Variants in ST3GAL3 observed in about 807,000 individuals in gnomAD.
ST3GAL3 encodes the protein ST3 beta-galactoside alpha-2,3-sialyltransferase 3.
ST3GAL3 carries 21 observed loss-of-function variants against 50.1 expected under a neutral mutation model. That is an observed-to-expected ratio of 0.42 (90% CI 0.30 to 0.60). The LOEUF (loss-of-function observed/expected upper bound fraction) is 0.60, where lower values mean the gene tolerates loss of function less well. ST3GAL3 is among the 20% of genes least tolerant of loss of function. The pLI is 0.19. For missense variants in ST3GAL3, 353 were observed against 489.4 expected (o/e 0.72, Z 2.63); for synonymous variants, 183 against 190.0 (o/e 0.96, Z 0.30).
chr1:43,723,249 C>T (rs968446228), intron 1 of ST3GAL3, among the ~76,000 whole-genome samples: 11 of 152,032 alleles, frequency 7.2e-5, no homozygotes, highest in Non-Finnish European at 1.6e-4. Flanking sequence ...GCTGGGATTA[C>T]AGGCACGCAC....
chr1:43,815,669 T>C (rs1247499415), intron 4 of ST3GAL3, among the ~76,000 whole-genome samples: 1 of 152,216 alleles, frequency 6.6e-6, no homozygotes, highest in African/African-American at 2.4e-5. Context: ...TTAACCACTC[T>C]GAGCCTCAGT....
chr1:43,851,443 G>A (rs985508045), intron 5 of ST3GAL3: 5 of 1,610,666 alleles, frequency 3.1e-6, no homozygotes, highest in African/African-American at 2.7e-5. Context: ...TGCAGGGCTC[G>A]CTTCTGACAG....
At chr1:43,734,317 T>G (rs2154089819) in intron 1 of ST3GAL3, among the ~76,000 whole-genome samples, 1 of 143,824 alleles carries the variant, frequency 7.0e-6, no homozygotes, top group East Asian at 2.1e-4. Context: ...TGTTTTTTTT[T>G]TTTTTGAGAC....
intron 4 of ST3GAL3, among the ~76,000 whole-genome samples, chr1:43,834,054 G>A (rs375437395): frequency 2.6e-5 from 4 of 152,192 alleles, no homozygotes; most frequent in South Asian, 2.1e-4. Flanking sequence ...TCAGCTTCTC[G>A]GGAGGCTGAG....
At chr1:43,719,555 C>T (rs141769200) in intron 1 of ST3GAL3, among the ~76,000 whole-genome samples, 6,501 of 151,904 alleles carry the variant, frequency 0.043, 201 homozygotes, top group Non-Finnish European at 0.066. Flanking sequence ...ATCCCAGCTA[C>T]ATGGGAGGCC....
intron 4 of ST3GAL3, among the ~76,000 whole-genome samples, chr1:43,836,865 C>T (rs1414614240): frequency 1.3e-5 from 2 of 152,228 alleles, no homozygotes; most frequent in African/African-American, 2.4e-5. Flanking sequence ...ACGCATAAGA[C>T]GTTGAAACCC....
chr1:43,885,837 C>G (rs936349682), intron 5 of ST3GAL3, among the ~76,000 whole-genome samples: 4 of 152,298 alleles, frequency 2.6e-5, no homozygotes, highest in East Asian at 1.9e-4. Flanking sequence ...ATGCAAGCCT[C>G]CCTCGGGGAG....
At chr1:43,795,359 A>C (rs1451231069) in intron 3 of ST3GAL3, among the ~76,000 whole-genome samples, 1 of 152,214 alleles carries the variant, frequency 6.6e-6, no homozygotes, top group Non-Finnish European at 1.5e-5. Flanking sequence ...GTCAGCCTCA[A>C]ATTATAACTG....
chr1:43,904,777 C>T (rs2078892693), intron 9 of ST3GAL3, among the ~76,000 whole-genome samples: 1 of 148,812 alleles, frequency 6.7e-6, no homozygotes, highest in Admixed American at 6.6e-5. Flanking sequence ...TGCTCCTCTT[C>T]CTGCCACTCT....
In ST3GAL3 at chr1:43,824,858, A is replaced by G. The variant is rs37458; in HGVS notation, c.209+9925A>G. On this transcript the variant is annotated intron_variant, in intron 4 of 11. Coordinates refer to ENST00000347631, the MANE Select transcript of ST3GAL3 (RefSeq NM_006279.5). ...GATTTTGAAGTCACTGAGCGAGGAC[A>G]CAGCCTTTGCATTAGGATTTTTAAA... is the stretch of plus-strand genomic sequence containing the variant. 0.31 allele frequency: 298,690 copies of G among 954,350 alleles called. 50,063 individuals carry two copies. The highest frequency in any genetic ancestry group is 0.35 in the Non-Finnish European group (203,314 of 584,310). 59.1% of individuals were successfully genotyped at this position (954,350 alleles called of 1,614,324 possible).
intron 9 of ST3GAL3, among the ~76,000 whole-genome samples, chr1:43,909,122 G>A (rs2080339872): frequency 6.6e-6 from 1 of 152,224 alleles, no homozygotes; most frequent in Non-Finnish European, 1.5e-5. Flanking sequence ...CAGCAGTGAG[G>A]CATAGTTGGT....
At chr1:43,811,367 A>C (rs1198662151) in intron 3 of ST3GAL3, among the ~76,000 whole-genome samples, 1 of 152,204 alleles carries the variant, frequency 6.6e-6, no homozygotes, top group East Asian at 1.9e-4. Flanking sequence ...GGACCTGACA[A>C]ATAGTTAAAG....
At chr1:43,804,171 G>T (rs985955083) in intron 3 of ST3GAL3, among the ~76,000 whole-genome samples, 11 of 152,164 alleles carry the variant, frequency 7.2e-5, no homozygotes, top group African/African-American at 9.7e-5. Context: ...TCCCTGAAGT[G>T]TTGGTACACT....
At chr1:43,915,934 C>T (rs1227368207) in intron 9 of ST3GAL3, among the ~76,000 whole-genome samples, 1 of 152,286 alleles carries the variant, frequency 6.6e-6, no homozygotes, top group Non-Finnish European at 1.5e-5. Flanking sequence ...GCCTGGCCAA[C>T]ATGGTGAAAC....
intron 2 of ST3GAL3, among the ~76,000 whole-genome samples, chr1:43,776,400 C>T (rs1697262718): frequency 6.6e-6 from 1 of 152,078 alleles, no homozygotes; most frequent in Non-Finnish European, 1.5e-5. Context: ...TATCTCATTT[C>T]TTATTATGGC....
At chr1:43,731,633 G>A (rs1341933926) in intron 1 of ST3GAL3, among the ~76,000 whole-genome samples, 1 of 147,082 alleles carries the variant, frequency 6.8e-6, no homozygotes, top group Non-Finnish European at 1.5e-5. Context: ...TCTTGACCTC[G>A]TGATCCGCCC....
At chr1:43,855,796 A>T (rs920235759) in intron 5 of ST3GAL3, among the ~76,000 whole-genome samples, 9 of 82,648 alleles carry the variant, frequency 1.1e-4, no homozygotes, top group Non-Finnish European at 1.8e-4. Flanking sequence ...GATTTATTTG[A>T]TAAACATAAA....
intron 9 of ST3GAL3, chr1:43,911,736 G>C (rs1161194349): frequency 1.3e-5 from 2 of 150,598 alleles, no homozygotes; most frequent in Non-Finnish European, 2.9e-5. Context: ...CACCCAGGCT[G>C]GAGTGCAGTG....
intron 2 of ST3GAL3, among the ~76,000 whole-genome samples, chr1:43,773,941 G>A (rs1287310587): frequency 6.6e-6 from 1 of 152,060 alleles, no homozygotes; most frequent in East Asian, 1.9e-4. Flanking sequence ...ACCTGAATTT[G>A]ATCATTTAAA....
Sources: allele counts gnomAD v4.1 joint callset (sites outside exome capture counted in the v4.1 genomes callset), GRCh38; gene constraint gnomAD v4.1.1; transcripts MANE v1.5; gene names NCBI Gene and HGNC (gene_info 2026-07-23, HGNC 2026-07-21).